The following CCDC60 variants were observed in gnomAD, a reference collection of about 807,000 sequenced individuals.
CCDC60 encodes the protein coiled-coil domain-containing protein 60.
A neutral mutation model predicts 63.5 loss-of-function variants in CCDC60; 54 were observed. That is an observed-to-expected ratio of 0.85 (90% CI 0.68 to 1.07). CCDC60 has a LOEUF of 1.07. CCDC60 is among the 50% of genes least tolerant of loss of function. The pLI is 0.00. For synonymous variants in CCDC60, 206 were observed against 238.8 expected (o/e 0.86, Z 1.27); for missense variants, 651 against 684.3 (o/e 0.95, Z 0.54).
intron 1 of CCDC60, among the ~76,000 whole-genome samples, chr12:119,344,855 TCACACACACACACACA>T (rs1199779284): frequency 8.7e-5 from 10 of 114,856 alleles, no homozygotes; most frequent in South Asian, 7.0e-4. Flanking sequence ...TCTCTCTCTC[TCACACACACACACACA>T]CACACACACA....
At position 119,420,624 on chromosome 12, in the gene CCDC60, TAGAA is replaced by T. The variant is rs1246167962; in HGVS notation, c.91-8054_91-8051del. ...GAATGGCTAACGGGTACCAAAAAAATAGAAAGAATGAATAAGACCTGCTATTTGA... is the reference window on the plus strand; with the variant it reads ...GAATGGCTAACGGGTACCAAAAAAATAGAATGAATAAGACCTGCTATTTGA... On this transcript the variant is annotated intron_variant, in intron 1 of 13. Transcript: ENST00000327554. The surrounding 1 kb of genome is among the most constrained non-coding windows in gnomAD (Gnocchi z 4.1). Among the ~76,000 whole-genome samples, 2 of 152,040 alleles carry T rather than the reference TAGAA, an allele frequency of 1.3e-5. No individual in the cohort carries two copies. The highest frequency in any genetic ancestry group is 4.8e-5 in the African/African-American group (2 of 41,382).
At chr12:119,435,607 T>C (rs938531525) in intron 2 of CCDC60, among the ~76,000 whole-genome samples, 1 of 152,208 alleles carries the variant, frequency 6.6e-6, no homozygotes, top group Middle Eastern at 3.2e-3. Flanking sequence ...TATATTTACA[T>C]AGCATCTTAC....
rs112821119 is a variant in CCDC60 at position 119,528,868 on chromosome 12, T to C, written c.1361+122T>C. 1.6e-3 allele frequency: 1,591 copies of C among 1,015,234 alleles called. 14 individuals carry two copies. The African/African-American group carries it at 0.024, about 15-fold the overall frequency. 62.9% of individuals were successfully genotyped at this position (1,015,234 alleles called of 1,614,324 possible). ...GAGAGGCATTACTCCAAAACTGTCA[T>C]TGGCCATCAACAGGATCCCCCACCC... On this transcript the variant is annotated intron_variant, in intron 12 of 13. Transcript: ENST00000327554.
chr12:119,491,478 G>A (rs892527703), intron 5 of CCDC60, among the ~76,000 whole-genome samples: 10 of 152,108 alleles, frequency 6.6e-5, no homozygotes, highest in East Asian at 5.8e-4. Flanking sequence ...ACAGGTGCCC[G>A]CCACCACGCC....
intron 11 of CCDC60, among the ~76,000 whole-genome samples, chr12:119,524,163 A>T (rs1303013589): frequency 2.0e-5 from 3 of 152,146 alleles, no homozygotes; most frequent in Non-Finnish European, 4.4e-5. Context: ...CAGCAGTGTG[A>T]TGAGAAGGTG....
chr12:119,404,835 G>A (rs1956457513), intron 1 of CCDC60, among the ~76,000 whole-genome samples: 1 of 152,120 alleles, frequency 6.6e-6, no homozygotes, highest in Admixed American at 6.5e-5. Context: ...CCTCCCCAAA[G>A]GCACATGGAG....
In CCDC60 at chr12:119,439,150, CAAAAAAAA is replaced by C. The variant is rs11317847; in HGVS notation, c.170+10405_170+10412del. 1.3e-3 allele frequency among the ~76,000 whole-genome samples: 92 copies of C among 72,282 alleles called. 1 individual carries two copies. Among genetic ancestry groups the C allele is most frequent in the South Asian group, 4.7e-3 (6 of 1,284 alleles). 47.4% of individuals were successfully genotyped at this position (72,282 alleles called of 152,430 possible). ...ACAGTATATACATCCCTTTTCTGGG[CAAAAAAAA>C]AAAAAAAAAAAAAAAAGAGTTAGCT... On this transcript the variant is annotated intron_variant, in intron 2 of 13. Transcript: ENST00000327554.
chr12:119,364,223 G>T (rs1955818588), intron 1 of CCDC60, among the ~76,000 whole-genome samples: 1 of 151,704 alleles, frequency 6.6e-6, no homozygotes, highest in African/African-American at 2.4e-5. Context: ...ACTTTTTGAG[G>T]TGTAATTTAC....
At chr12:119,522,787 A>G (rs1952563631) in intron 9 of CCDC60, 152 bp from the exon 10 acceptor site, 1 of 741,626 alleles carries the variant, frequency 1.3e-6, no homozygotes, top group Non-Finnish European at 2.5e-6. Context: ...AGAGGTGGGA[A>G]GAAATTCATA....
chr12:119,514,859 C>T (rs1292601035), intron 7 of CCDC60, among the ~76,000 whole-genome samples: 1 of 152,148 alleles, frequency 6.6e-6, no homozygotes, highest in Non-Finnish European at 1.5e-5. Context: ...GATAAGTACC[C>T]TATATAGGTG....
chr12:119,466,182 C>T (rs955788660), intron 2 of CCDC60, among the ~76,000 whole-genome samples: 1 of 152,154 alleles, frequency 6.6e-6, no homozygotes, highest in African/African-American at 2.4e-5. Context: ...TTTCTAAATG[C>T]ACTGACACCC....
At chr12:119,529,117 A>C (rs914045330) in intron 12 of CCDC60, among the ~76,000 whole-genome samples, 1 of 152,204 alleles carries the variant, frequency 6.6e-6, no homozygotes, top group Non-Finnish European at 1.5e-5. Flanking sequence ...CATCCCCCCA[A>C]GTAACGTAAT....
chr12:119,513,904 C>A (rs537249626), intron 7 of CCDC60, among the ~76,000 whole-genome samples: 4 of 152,130 alleles, frequency 2.6e-5, no homozygotes, highest in African/African-American at 9.7e-5. Flanking sequence ...AAGTACTACA[C>A]TTTATTTTCT....
chr12:119,388,488 C>A (rs1046866203), intron 1 of CCDC60, among the ~76,000 whole-genome samples: 12 of 152,198 alleles, frequency 7.9e-5, no homozygotes, highest in Non-Finnish European at 1.6e-4. Flanking sequence ...GTGTGATGGG[C>A]AAAGAGGACA....
chr12:119,421,506 C>A (rs1041751037), intron 1 of CCDC60, among the ~76,000 whole-genome samples: 1 of 152,196 alleles, frequency 6.6e-6, no homozygotes, highest in African/African-American at 2.4e-5. Context: ...AAGTCAGTTT[C>A]ACCTTTTTAA....
At chr12:119,536,973 G>T (rs1953022416) in intron 13 of CCDC60, among the ~76,000 whole-genome samples, 1 of 152,084 alleles carries the variant, frequency 6.6e-6, no homozygotes, top group African/African-American at 2.4e-5. Flanking sequence ...GCTCGGTTGG[G>T]GAAGTTCTCC....
At chr12:119,433,312 G>C in intron 2 of CCDC60, 1 of 673,812 alleles carries the variant, frequency 1.5e-6, no homozygotes, top group Non-Finnish European at 2.7e-6. Context: ...CAGTTGGTCA[G>C]CTGAGTCTGT....
At chr12:119,489,335 G>A (rs1317166165) in intron 5 of CCDC60, among the ~76,000 whole-genome samples, 1 of 151,744 alleles carries the variant, frequency 6.6e-6, no homozygotes, top group African/African-American at 2.4e-5. Context: ...TTTCAAGGTT[G>A]TGTTTTGTTT....
intron 1 of CCDC60, among the ~76,000 whole-genome samples, chr12:119,341,770 G>T (rs1343145290): frequency 6.6e-6 from 1 of 152,202 alleles, no homozygotes; most frequent in Non-Finnish European, 1.5e-5. Flanking sequence ...ATGAGGCCAG[G>T]CCTCAGCTTA....
Sources: allele counts gnomAD v4.1 joint callset (sites outside exome capture counted in the v4.1 genomes callset), GRCh38; gene constraint gnomAD v4.1.1; non-coding constraint Gnocchi (gnomAD v3.1); transcripts MANE v1.5; gene names NCBI Gene and HGNC (gene_info 2026-07-23, HGNC 2026-07-21).